Variants in HRH2 observed in about 807,000 individuals in gnomAD.
The protein encoded by HRH2 is histamine receptor H2.
A neutral mutation model predicts 20.1 loss-of-function variants in HRH2; 4 were observed. The observed-to-expected ratio is 0.20, with a 90% confidence interval of 0.10 to 0.45. The LOEUF (loss-of-function observed/expected upper bound fraction) is 0.45, where lower values mean the gene tolerates loss of function less well. HRH2 is among the 20% of genes least tolerant of loss of function. HRH2 has a pLI of 0.99. For synonymous variants in HRH2, 197 were observed against 200.7 expected (o/e 0.98, Z 0.16); for missense variants, 250 against 461.6 (o/e 0.54, Z 4.20).
chr5:175,682,827 G>T lies in HRH2; in HGVS notation c.-407G>T, dbSNP rs1756031865. ...GCTGCGTCTCCACATGACCCATCCTGCATGACACCAAAGCCACCGCCAGAC... is the reference window on the plus strand; with the variant it reads ...GCTGCGTCTCCACATGACCCATCCTTCATGACACCAAAGCCACCGCCAGAC... On this transcript the variant is annotated 5_prime_UTR_variant, in exon 2 of 3. Coordinates refer to ENST00000636584, the MANE Select transcript of HRH2 (RefSeq NM_001367711.1). The T allele has an allele frequency of 1.0e-5, 2 of 200,600 alleles. No homozygotes were observed. The highest frequency in any genetic ancestry group is 9.8e-5 in the South Asian group (1 of 10,246). The allele number at this position is 200,600 out of a possible 1,614,324, so 12.4% of individuals were successfully genotyped here.
At chr5:175,676,739 C>T (rs1755774732) in intron 1 of HRH2, among the ~76,000 whole-genome samples, 1 of 152,210 alleles carries the variant, frequency 6.6e-6, no homozygotes, top group African/African-American at 2.4e-5. Flanking sequence ...CCTCCTCACC[C>T]TTCAGAGTCT....
chr5:175,701,831 T>C (rs1433632254), intron 2 of HRH2, among the ~76,000 whole-genome samples: 1 of 152,166 alleles, frequency 6.6e-6, no homozygotes, highest in East Asian at 1.9e-4. Context: ...CACAAACACT[T>C]ACTGCTCGGC....
intron 2 of HRH2, among the ~76,000 whole-genome samples, chr5:175,705,952 A>G (rs139358858): frequency 6.6e-6 from 1 of 152,274 alleles, no homozygotes; most frequent in East Asian, 1.9e-4. Flanking sequence ...CCGAAGTGCT[A>G]GGATTACAGG....
intron 2 of HRH2, among the ~76,000 whole-genome samples, chr5:175,690,652 T>C (rs1033912417): frequency 2.6e-5 from 4 of 152,110 alleles, no homozygotes; most frequent in African/African-American, 4.8e-5. Context: ...AGTTGGGTGG[T>C]TTCTAGTATA....
intron 1 of HRH2, among the ~76,000 whole-genome samples, chr5:175,679,147 A>C (rs903764772): frequency 1.3e-5 from 2 of 152,168 alleles, no homozygotes; most frequent in African/African-American, 4.8e-5. Context: ...CACCAGATGG[A>C]AGGATAGAAG....
intron 1 of HRH2, among the ~76,000 whole-genome samples, chr5:175,672,033 T>C (rs747993153): frequency 6.6e-5 from 10 of 152,134 alleles, no homozygotes; most frequent in Non-Finnish European, 1.2e-4. Context: ...TATTTTACTA[T>C]GGAGGGCTCA....
intron 2 of HRH2, among the ~76,000 whole-genome samples, chr5:175,698,600 G>A (rs1335635157): frequency 6.6e-6 from 1 of 152,146 alleles, no homozygotes; most frequent in Non-Finnish European, 1.5e-5. Flanking sequence ...GCAAATCCAG[G>A]GATCCTGCTA....
chr5:175,666,710 A>T (rs1762907349), intron 1 of HRH2, among the ~76,000 whole-genome samples: 1 of 152,184 alleles, frequency 6.6e-6, no homozygotes, highest in Non-Finnish European at 1.5e-5. Flanking sequence ...GATTACAGAC[A>T]TGAGCCACTG....
At chr5:175,663,995 G>A (rs1248589445) in intron 1 of HRH2, among the ~76,000 whole-genome samples, 1 of 152,208 alleles carries the variant, frequency 6.6e-6, no homozygotes, top group Non-Finnish European at 1.5e-5. Flanking sequence ...CCAGGAGGGT[G>A]CGGGCCTGGC....
At chr5:175,698,219 C>T (rs1756669379) in intron 2 of HRH2, among the ~76,000 whole-genome samples, 1 of 152,230 alleles carries the variant, frequency 6.6e-6, no homozygotes, top group Non-Finnish European at 1.5e-5. Flanking sequence ...ATTTTATCAC[C>T]CTTAAGTTGC....
At chr5:175,685,527 T>C in intron 2 of HRH2, 1 of 1,490,148 alleles carries the variant, frequency 6.7e-7, no homozygotes, top group Non-Finnish European at 9.2e-7. Context: ...GGAATTATGA[T>C]GAATACTGGG....
chr5:175,667,827 A>G (rs1054102928), intron 1 of HRH2, among the ~76,000 whole-genome samples: 1 of 152,208 alleles, frequency 6.6e-6, no homozygotes, highest in Admixed American at 6.5e-5. Context: ...AGTTATACCT[A>G]CAGTTGTTCT....
At chr5:175,678,736 T>A (rs1021299862) in intron 1 of HRH2, among the ~76,000 whole-genome samples, 8 of 152,256 alleles carry the variant, frequency 5.3e-5, no homozygotes, top group African/African-American at 1.9e-4. Flanking sequence ...AGATTTATCT[T>A]TCAGGCCGAG....
intron 2 of HRH2, among the ~76,000 whole-genome samples, chr5:175,702,354 G>T (rs1004020003): frequency 3.3e-5 from 5 of 151,850 alleles, no homozygotes; most frequent in African/African-American, 1.2e-4. Context: ...GAATATAAAT[G>T]GAATAAATTG....
At chr5:175,660,691 G>A (rs759147064) in intron 1 of HRH2, among the ~76,000 whole-genome samples, 1 of 152,172 alleles carries the variant, frequency 6.6e-6, no homozygotes, top group Non-Finnish European at 1.5e-5. Flanking sequence ...TTGAAAAAAA[G>A]GTAACTTACG....
chr5:175,701,496 T>G (rs2113559368), intron 2 of HRH2, among the ~76,000 whole-genome samples: 1 of 151,846 alleles, frequency 6.6e-6, no homozygotes, highest in Non-Finnish European at 1.5e-5. Flanking sequence ...GCCGCTGTAA[T>G]CCTCAGCCGG....
Position 175,693,676 on chromosome 5 carries a change from A to T in HRH2, c.1076+9367A>T, listed in dbSNP as rs113757697. ...AAAATGGAAAGTCATAGAGAACCCCATGTCTGTTGCCATCCTTCCTATTCC... is the reference window on the plus strand; with the variant it reads ...AAAATGGAAAGTCATAGAGAACCCCTTGTCTGTTGCCATCCTTCCTATTCC... On this transcript the variant is annotated intron_variant, in intron 2 of 2. Coordinates refer to ENST00000636584, the MANE Select transcript of HRH2 (RefSeq NM_001367711.1). The surrounding 1 kb of genome is among the most constrained non-coding windows in gnomAD (Gnocchi z 4.4). Among the ~76,000 whole-genome samples the T allele has an allele frequency of 2.8e-3, 425 of 152,314 alleles. 4 individuals are homozygous for T. The highest frequency in any genetic ancestry group is 0.01 in the African/African-American group (416 of 41,570).
Position 175,687,327 on chromosome 5 carries a change from C to T in HRH2, c.1076+3018C>T, listed in dbSNP as rs146594692. On this transcript the variant is annotated intron_variant, in intron 2 of 2. Coordinates refer to ENST00000636584, the MANE Select transcript of HRH2 (RefSeq NM_001367711.1). The surrounding 1 kb of genome is among the most constrained non-coding windows in gnomAD (Gnocchi z 5.2). ...GCTGATAGCATGTCCTCCAGCTCTC[C>T]GTCTGGGGACAAACCCGCACTGACC... 5.4e-3 allele frequency among the ~76,000 whole-genome samples: 817 copies of T among 152,274 alleles called. 12 individuals carry two copies. Among genetic ancestry groups the T allele is most frequent in the Non-Finnish European group, 5.7e-3 (391 of 68,022 alleles).
chr5:175,675,578 G>C (rs1369516009), intron 1 of HRH2, among the ~76,000 whole-genome samples: 1 of 152,208 alleles, frequency 6.6e-6, no homozygotes, highest in African/African-American at 2.4e-5. Flanking sequence ...GATGGGCCCT[G>C]AGGGCTATGA....
Sources: gnomAD v4.1 joint callset for allele counts (sites outside exome capture counted in the v4.1 genomes callset) on GRCh38, gnomAD v4.1.1 for gene constraint, Gnocchi (gnomAD v3.1) non-coding constraint, MANE v1.5 for transcripts, NCBI Gene and HGNC (gene_info 2026-07-23, HGNC 2026-07-21) for gene names.